OVGP1: variants seen among roughly 807,000 people sequenced by gnomAD.
OVGP1 encodes the protein oviduct-specific glycoprotein.
A neutral mutation model predicts 48.2 loss-of-function variants in OVGP1; 26 were observed. That is an observed-to-expected ratio of 0.54 (90% CI 0.40 to 0.75). The LOEUF (loss-of-function observed/expected upper bound fraction) is 0.75, where lower values mean the gene tolerates loss of function less well. Among genes scored for constraint, OVGP1 ranks in the 30% least tolerant of loss-of-function variants. OVGP1 has a pLI of 0.00. For missense variants in OVGP1, 791 were observed against 820.6 expected, an observed-to-expected ratio of 0.96 and a Z score of 0.44; for synonymous variants, 294 against 305.7, an observed-to-expected ratio of 0.96 and a Z score of 0.40.
At chr1:111,426,296 G>C (rs541517644) in intron 3 of OVGP1, 141 bp downstream of exon 3, 2 of 1,112,798 alleles carry the variant, frequency 1.8e-6, no homozygotes, top group Admixed American at 4.9e-5. Flanking sequence ...TTCTCAAGTT[G>C]GGGGTGCTCT....
chr1:111,418,325 T>C (rs1165385262), intron 9 of OVGP1, among the ~76,000 whole-genome samples: 3 of 152,320 alleles, frequency 2.0e-5, no homozygotes, highest in East Asian at 3.9e-4. Context: ...CTCCATCCAA[T>C]TGGGTAAATC....
Position 111,425,448 on chromosome 1 carries a change from T to G in OVGP1, c.261-9A>C. The G allele has an allele frequency of 6.2e-7, 1 of 1,613,942 alleles. No homozygotes were observed. The highest frequency in any genetic ancestry group is 8.5e-7 in the Non-Finnish European group (1 of 1,179,924). On this transcript the variant is annotated splice_polypyrimidine_tract_variant and intron_variant, in intron 3 of 10. Coordinates refer to ENST00000369732, the MANE Select transcript of OVGP1 (RefSeq NM_002557.4). ...TTTTCAGCTCTCTGTTCCTATGATG[T>G]GAGAGAGAGGGTTGATGAGCTGGGT...
Position 111,422,923 on chromosome 1 carries a change from T to C in OVGP1, c.608+4A>G. The C allele has an allele frequency of 6.2e-7, 1 of 1,613,916 alleles. No homozygotes were observed. The highest frequency in any genetic ancestry group is 1.1e-5 in the South Asian group (1 of 91,082). On this transcript the variant is annotated splice_donor_region_variant and intron_variant, in intron 6 of 10. Coordinates refer to ENST00000369732, the MANE Select transcript of OVGP1 (RefSeq NM_002557.4). ...CCTGCCCCACCAAAGCAATATCCAC[T>C]CACCTTCCTAGAAAGCGCACATCAT...
Position 111,416,359 on chromosome 1 carries a change from G to A in OVGP1, c.1120C>T (p.Leu374Phe), listed in dbSNP as rs1295176940. 2 of 1,605,286 alleles carry A rather than the reference G, an allele frequency of 1.2e-6. No individual in the cohort carries two copies. The highest frequency in any genetic ancestry group is 1.7e-5 in the Admixed American group (1 of 58,846). ...AGGATATCATTCAATACGTAGACAAGGGGGAAAGGGCCAGTGCCACAGAAC... is the reference window on the plus strand; with the variant it reads ...AGGATATCATTCAATACGTAGACAAAGGGGAAAGGGCCAGTGCCACAGAAC... ...GTFCGTGPFP[L>F]VYVLNDILVR... Residue 374 changes from leucine (L) to phenylalanine (F), a missense_variant, in exon 10 of 11, where the codon CTT becomes TTT. Coordinates refer to ENST00000369732, the MANE Select transcript of OVGP1 (RefSeq NM_002557.4).
rs138138023 is a variant in OVGP1 at position 111,425,606 on chromosome 1, GGA to G, written c.261-169_261-168del. 1.5e-3 allele frequency: 1,901 copies of G among 1,242,576 alleles called. 44 individuals are homozygous for G. In the East Asian group the frequency reaches 0.041, roughly 27 times the overall value. The allele number at this position is 1,242,576 out of a possible 1,614,324, so 77.0% of individuals were successfully genotyped here. Reference sequence around the variant, plus strand: ...TAGAAGGAGAGAGATGATGAGCACAGGAGAGAGGAGGAAAGACAGAGAGAACA... The same window carrying G: ...TAGAAGGAGAGAGATGATGAGCACAGGAGAGGAGGAAAGACAGAGAGAACA... On this transcript the variant is annotated intron_variant, in intron 3 of 10. Transcript: ENST00000369732.
chr1:111,418,701 G>A (rs1652190948), intron 9 of OVGP1, among the ~76,000 whole-genome samples: 1 of 152,090 alleles, frequency 6.6e-6, no homozygotes, highest in South Asian at 2.1e-4. Flanking sequence ...CTCATGCTTG[G>A]ACACCTCTGT....
chr1:111,419,710 C>G lies in OVGP1; in HGVS notation c.920G>C (p.Trp307Ser). Residue 307 changes from tryptophan to serine, a missense_variant, in exon 9 of 11, where the codon TGG becomes TCG. Physicochemically the swap from Trp to Ser is radical, Grantham distance 177 (BLOSUM62 -3). Coordinates refer to ENST00000369732, the MANE Select transcript of OVGP1 (RefSeq NM_002557.4). Reference protein sequence around the residue: ...LAYFEICSFVWGAKKHWIDYQ... With the variant: ...LAYFEICSFVSGAKKHWIDYQ... ...ATCAATCCAGTGCTTCTTCGCTCCC[C>G]AGACAAAGGAACAAATCTGCCAAGA... 2 of 1,611,802 alleles carry G rather than the reference C, an allele frequency of 1.2e-6. No homozygotes were observed. The highest frequency in any genetic ancestry group is 1.7e-4 in the Middle Eastern group (1 of 6,028).
intron 1 of OVGP1, 93 bp downstream of exon 1, chr1:111,427,604 C>A: frequency 6.8e-7 from 1 of 1,466,532 alleles, no homozygotes; most frequent in Non-Finnish European, 9.5e-7. Flanking sequence ...CCCTGAGTCT[C>A]AGGCTGCTCT....
At chr1:111,417,078 T>C (rs916782061) in intron 9 of OVGP1, among the ~76,000 whole-genome samples, 2 of 152,362 alleles carry the variant, frequency 1.3e-5, no homozygotes, top group East Asian at 3.9e-4. Flanking sequence ...GAATGCTACA[T>C]AAGTTTTCCT....
At chr1:111,423,273 C>T (rs187683008) in intron 5 of OVGP1, among the ~76,000 whole-genome samples, 39 of 152,304 alleles carry the variant, frequency 2.6e-4, no homozygotes, top group Admixed American at 1.1e-3. Context: ...CTCAGAAGCA[C>T]AGAATTCAGA....
intron 9 of OVGP1, among the ~76,000 whole-genome samples, chr1:111,419,279 A>G (rs886429221): frequency 6.6e-6 from 1 of 152,146 alleles, no homozygotes; most frequent in Admixed American, 6.5e-5. Context: ...ACTTACCATG[A>G]TCTACTTTGT....
At position 111,419,669 on chromosome 1, in the gene OVGP1, A is replaced by G. The variant is rs747666353; in HGVS notation, c.961T>C (p.Tyr321His). The change falls in exon 9 of 11, where the codon TAT becomes CAT. Residue 321 changes from tyrosine (Y) to histidine (H), a missense_variant. Physicochemically the swap from Tyr to His is moderately conservative, Grantham distance 83. Coordinates refer to ENST00000369732, the MANE Select transcript of OVGP1 (RefSeq NM_002557.4). ...KHWIDYQYVP[Y>H]ANKGKEWVGY... Reference sequence around the variant, plus strand: ...ACCCACTCTTTCCCCTTGTTGGCATACGGGACATACTGGTAATCAATCCAG... The same window carrying G: ...ACCCACTCTTTCCCCTTGTTGGCATGCGGGACATACTGGTAATCAATCCAG... The G allele has an allele frequency of 1.1e-5, 17 of 1,613,936 alleles. No individual in the cohort carries two copies. The highest frequency in any genetic ancestry group is 1.4e-5 in the Non-Finnish European group (17 of 1,179,838).
Position 111,423,689 on chromosome 1 carries a change from T to G in OVGP1, c.337A>C (p.Thr113Pro). 1.2e-6 allele frequency: 2 copies of G among 1,614,094 alleles called. No homozygotes were observed. The highest frequency in any genetic ancestry group is 2.2e-5 in the South Asian group (2 of 91,080). ...ATAAACTTTTCACGGTTGGCAAATG[T>G]GGACAACATAGTGGTGAATCTGTAG... ...GTSRFTTMLS[T>P]FANREKFIAS... The change falls in exon 5 of 11, where the codon ACA (threonine) becomes CCA (proline). Residue 113 changes from threonine (T) to proline (P), a missense_variant. Physicochemically the swap from Thr to Pro is conservative, Grantham distance 38. Coordinates refer to ENST00000369732, the MANE Select transcript of OVGP1 (RefSeq NM_002557.4).
At chr1:111,423,744 T>A (rs1266984902) in intron 4 of OVGP1, 36 bp from the exon 5 acceptor site, 2 of 1,597,354 alleles carry the variant, frequency 1.3e-6, no homozygotes, top group Admixed American at 1.7e-5. Flanking sequence ...AAGAACTCTA[T>A]CCACAGAATC....
rs754053360 is a variant in OVGP1, at chr1:111,421,526, G to A, written c.717+39C>T. 6.2e-6 allele frequency: 10 copies of A among 1,603,224 alleles called. No individual in the cohort carries two copies. In the African/African-American group the frequency reaches 1.1e-4, roughly 17 times the overall value. On this transcript the variant is annotated intron_variant, in intron 7 of 10. Coordinates refer to ENST00000369732, the MANE Select transcript of OVGP1 (RefSeq NM_002557.4). The stretch of plus-strand genomic sequence containing the variant: ...GAGCCAATGGCCTGAGCTCAGGGGG[G>A]CAGATGTCTGGACCACCTGAGATCT...
Position 111,426,446 on chromosome 1 carries a change from A to T in OVGP1, c.251T>A (p.Leu84Gln), listed in dbSNP as rs1400036946. 6.2e-6 allele frequency: 10 copies of T among 1,613,988 alleles called. No homozygotes were observed. In the Admixed American group the frequency reaches 1.0e-4, roughly 16 times the overall value. Residue 84 changes from leucine to glutamine, a missense_variant, in exon 3 of 11, where the codon CTA becomes CAA. Coordinates refer to ENST00000369732, the MANE Select transcript of OVGP1 (RefSeq NM_002557.4). ...EKILYPEFNK[L>Q]KERNRELKTL... Reference sequence around the variant, plus strand: ...TCCAATATGAACACACCTCTCCTTTAGTTTGTTGAACTCTGGGTAGAGAAT... The same window carrying T: ...TCCAATATGAACACACCTCTCCTTTTGTTTGTTGAACTCTGGGTAGAGAAT...
chr1:111,415,018 T>TCA lies in OVGP1; in HGVS notation c.1481_1482dup (p.Thr495Ter). The TCA allele has an allele frequency of 6.2e-7, 1 of 1,612,150 alleles. No individual in the cohort carries two copies. The highest frequency in any genetic ancestry group is 8.5e-7 in the Non-Finnish European group (1 of 1,178,606). Reference sequence around the variant, plus strand: ...GTCACAGATTGATGACCCACAGGGGTCAGGGCCTTCTCTCCAGGGGTCATG... The same window carrying TCA: ...GTCACAGATTGATGACCCACAGGGGTCACAGGGCCTTCTCTCCAGGGGTCATG... On this transcript the variant is annotated frameshift_variant, in exon 11 of 11. Coordinates refer to ENST00000369732, the MANE Select transcript of OVGP1 (RefSeq NM_002557.4). LOFTEE classifies it low-confidence loss of function (END_TRUNC).
At chr1:111,426,408 T>A in intron 3 of OVGP1, 29 bp downstream of exon 3, 2 of 1,613,580 alleles carry the variant, frequency 1.2e-6, no homozygotes, top group Non-Finnish European at 1.7e-6. Context: ...AATCTGAAAA[T>A]ACAACCCCCA....
At chr1:111,426,088 A>G (rs7515371) in intron 3 of OVGP1, among the ~76,000 whole-genome samples, 49,434 of 152,114 alleles carry the variant, frequency 0.32, 8,257 homozygotes, top group South Asian at 0.4. Context: ...GGTAATAAAA[A>G]CATGAGCATT....
Sources: gnomAD v4.1 joint callset for allele counts (sites outside exome capture counted in the v4.1 genomes callset) on GRCh38, gnomAD v4.1.1 for gene constraint, MANE v1.5 for transcripts, NCBI Gene and HGNC (gene_info 2026-07-23, HGNC 2026-07-21) for gene names.